TLL1: variants seen among roughly 807,000 people sequenced by gnomAD.
The protein encoded by TLL1 is tolloid-like protein 1.
A neutral mutation model predicts 128.2 loss-of-function variants in TLL1; 49 were observed. The ratio of observed to expected loss-of-function variants is 0.38; its 90% CI spans 0.30 to 0.48. The LOEUF is 0.48. Ranked by LOEUF, TLL1 falls within the 20% of genes least tolerant of loss-of-function variation. The pLI is 0.96. For missense variants in TLL1, 1,123 were observed against 1,242.0 expected (o/e 0.90, Z 1.44); for synonymous variants, 454 against 418.8 (o/e 1.08, Z -1.03).
At chr4:166,016,887 A>G (rs985123623) in intron 8 of TLL1, among the ~76,000 whole-genome samples, 3 of 151,946 alleles carry the variant, frequency 2.0e-5, no homozygotes, top group African/African-American at 7.3e-5. Context: ...GTTAAATTTT[A>G]GTTCCCCAAA....
intron 1 of TLL1, among the ~76,000 whole-genome samples, chr4:165,984,443 A>G (rs1736304403): frequency 6.6e-6 from 1 of 151,928 alleles, no homozygotes; most frequent in Non-Finnish European, 1.5e-5. Flanking sequence ...GTGGTTGTCA[A>G]TCATGTAAAA....
chr4:165,978,900 C>T (rs1248982230), intron 1 of TLL1, among the ~76,000 whole-genome samples: 2 of 152,136 alleles, frequency 1.3e-5, no homozygotes, highest in Non-Finnish European at 2.9e-5. Flanking sequence ...CTGTGTGGTT[C>T]TTGTAGCTGT....
chr4:165,991,174 G>A (rs1736621959), intron 2 of TLL1, among the ~76,000 whole-genome samples: 1 of 151,754 alleles, frequency 6.6e-6, no homozygotes, highest in South Asian at 2.1e-4. Flanking sequence ...TTAAAATGTT[G>A]TTATTTAATT....
intron 1 of TLL1, among the ~76,000 whole-genome samples, chr4:165,931,140 T>C (rs1212993773): frequency 6.6e-6 from 1 of 152,214 alleles, no homozygotes; most frequent in Non-Finnish European, 1.5e-5. Flanking sequence ...ATATCATTTG[T>C]AATTTATTTC....
chr4:166,025,157 G>C (rs76174574), intron 8 of TLL1, among the ~76,000 whole-genome samples, 159 bp from the exon 9 acceptor site: 1 of 152,166 alleles, frequency 6.6e-6, no homozygotes, highest in East Asian at 1.9e-4. Flanking sequence ...ATTCCAGTAA[G>C]GGACATAAAA....
At chr4:165,964,597 G>A (rs1030138891) in intron 1 of TLL1, among the ~76,000 whole-genome samples, 3 of 152,136 alleles carry the variant, frequency 2.0e-5, no homozygotes, top group African/African-American at 7.2e-5. Flanking sequence ...ACCTCCGAGG[G>A]TTGTTGTATG....
chr4:166,025,290 G>T (rs1392601759), intron 8 of TLL1, 26 bp from the exon 9 acceptor site: 4 of 1,458,100 alleles, frequency 2.7e-6, no homozygotes, highest in Non-Finnish European at 2.9e-6. Flanking sequence ...ATTAACCAAT[G>T]ATCTTATATA....
chr4:166,075,384 T>G (rs966593125), intron 17 of TLL1, among the ~76,000 whole-genome samples: 5 of 152,176 alleles, frequency 3.3e-5, no homozygotes, highest in African/African-American at 7.2e-5. Context: ...CTTGTATATC[T>G]TGTGCATGTG....
chr4:165,941,317 A>G (rs1733995647), intron 1 of TLL1, among the ~76,000 whole-genome samples: 1 of 152,094 alleles, frequency 6.6e-6, no homozygotes, highest in Non-Finnish European at 1.5e-5. Context: ...CTGATGTCCT[A>G]CAGAATAAAT....
At chr4:165,957,905 C>T (rs1250060900) in intron 1 of TLL1, among the ~76,000 whole-genome samples, 1 of 135,652 alleles carries the variant, frequency 7.4e-6, no homozygotes, top group African/African-American at 2.8e-5. Context: ...GTTCCCCTTC[C>T]TGTGTCCATG....
intron 20 of TLL1, among the ~76,000 whole-genome samples, 165 bp downstream of exon 20, chr4:166,099,692 C>A (rs1223361295): frequency 6.6e-6 from 1 of 151,488 alleles, no homozygotes; most frequent in East Asian, 1.9e-4. Context: ...CGTCTCTACC[C>A]TTATCACTTC....
chr4:165,894,928 A>C (rs1307035550), intron 1 of TLL1, among the ~76,000 whole-genome samples: 1 of 151,942 alleles, frequency 6.6e-6, no homozygotes, highest in Non-Finnish European at 1.5e-5. Flanking sequence ...TTATACATGC[A>C]CATGCATTTT....
chr4:166,029,357 T>C (rs1738648173), intron 9 of TLL1, among the ~76,000 whole-genome samples: 6 of 152,056 alleles, frequency 3.9e-5, no homozygotes, highest in Admixed American at 3.9e-4. Context: ...ATTCGCTTTT[T>C]ATAAGATATT....
intron 1 of TLL1, among the ~76,000 whole-genome samples, chr4:165,947,655 A>G (rs1020394635): frequency 6.6e-6 from 1 of 152,160 alleles, no homozygotes; most frequent in Admixed American, 6.6e-5. Context: ...ATTTAGTTAC[A>G]TAAAAAACTC....
Position 165,873,769 on chromosome 4 carries a change from C to A in TLL1, c.-136C>A. The A allele has an allele frequency of 1.1e-6, 1 of 900,830 alleles. No individual in the cohort carries two copies. Among genetic ancestry groups the A allele is most frequent in the South Asian group, 1.5e-5 (1 of 66,550 alleles). The allele number at this position is 900,830 out of a possible 1,614,324, so 55.8% of individuals were successfully genotyped here. A position where few individuals can be genotyped will look rare whatever the true frequency, so the allele number is the denominator to read the frequency against. On this transcript the variant is annotated 5_prime_UTR_variant, in exon 1 of 21. Coordinates refer to ENST00000061240, the MANE Select transcript of TLL1 (RefSeq NM_012464.5). ...GGCGGCATCCACATGTTTCCGGACA[C>A]CTGAGCACCCCGGTCCCGCCGAGGA...
At chr4:165,906,600 G>A (rs12649273) in intron 1 of TLL1, among the ~76,000 whole-genome samples, 36,753 of 151,858 alleles carry the variant, frequency 0.24, 5,595 homozygotes, top group East Asian at 0.51. Context: ...TGAAAATCTT[G>A]GAAATATTTA....
chr4:165,978,527 C>T (rs541511124), intron 1 of TLL1, among the ~76,000 whole-genome samples: 1 of 152,146 alleles, frequency 6.6e-6, no homozygotes, highest in Non-Finnish European at 1.5e-5. Flanking sequence ...TCACTGCCTA[C>T]CACCAATAAT....
chr4:165,967,255 T>C (rs1199318779), intron 1 of TLL1, among the ~76,000 whole-genome samples: 3 of 152,196 alleles, frequency 2.0e-5, no homozygotes, highest in Non-Finnish European at 2.9e-5. Flanking sequence ...CCAGATTTCA[T>C]ATTGTTCAAA....
At chr4:165,938,997 C>A (rs186233925) in intron 1 of TLL1, among the ~76,000 whole-genome samples, 1 of 150,560 alleles carries the variant, frequency 6.6e-6, no homozygotes, top group Non-Finnish European at 1.5e-5. Flanking sequence ...TTCTTTTTCT[C>A]TCTTTGTTTT....
Sources: allele counts gnomAD v4.1 joint callset (sites outside exome capture counted in the v4.1 genomes callset), GRCh38; gene constraint gnomAD v4.1.1; transcripts MANE v1.5; gene names NCBI Gene and HGNC (gene_info 2026-07-23, HGNC 2026-07-21).